Variants in FLNB observed in about 807,000 individuals in gnomAD.
FLNB encodes filamin-B.
A neutral mutation model predicts 250.6 loss-of-function variants in FLNB; 111 were observed. The observed-to-expected ratio is 0.44, with a 90% CI of 0.38 to 0.52. FLNB has a LOEUF of 0.52. Ranked by LOEUF, FLNB falls within the 20% of genes least tolerant of loss-of-function variation. The pLI is 0.00. For synonymous variants in FLNB, 1,302 were observed against 1,372.1 expected, an observed-to-expected ratio of 0.95 and a Z score of 1.13; for missense variants, 2,869 against 3,447.8, an observed-to-expected ratio of 0.83 and a Z score of 4.20.
chr3:58,106,912 C>T (rs1440908516), intron 12 of FLNB, 39 bp downstream of exon 12: 2 of 1,573,532 alleles, frequency 1.3e-6, no homozygotes, highest in African/African-American at 1.3e-5. Context: ...TTGTCCCTGG[C>T]CCCTGGTTCC....
chr3:58,026,603 A>G (rs1053862983), intron 1 of FLNB, among the ~76,000 whole-genome samples: 2 of 152,152 alleles, frequency 1.3e-5, no homozygotes, highest in Admixed American at 1.3e-4. Flanking sequence ...AGGAATGGAT[A>G]TGGGAGGTTG....
intron 41 of FLNB, 86 bp from the exon 42 acceptor site, chr3:58,159,468 T>C (rs2097358109): frequency 5.2e-6 from 7 of 1,344,380 alleles, no homozygotes; most frequent in Non-Finnish European, 7.5e-6. Flanking sequence ...ATGAGAACTG[T>C]CACCCACAGT....
intron 1 of FLNB, among the ~76,000 whole-genome samples, chr3:58,041,829 A>G (rs1358031749): frequency 1.3e-5 from 2 of 152,068 alleles, no homozygotes; most frequent in Admixed American, 6.5e-5. Context: ...AAGCTTCCCG[A>G]GCAGCTTGTC....
chr3:58,129,845 C>A (rs578118638), intron 24 of FLNB, among the ~76,000 whole-genome samples: 1 of 152,186 alleles, frequency 6.6e-6, no homozygotes, highest in South Asian at 2.1e-4. Flanking sequence ...TGCTGCCGTT[C>A]GCTGGATGGG....
intron 29 of FLNB, among the ~76,000 whole-genome samples, chr3:58,139,914 A>C (rs760238833): frequency 1.3e-5 from 2 of 152,168 alleles, no homozygotes; most frequent in African/African-American, 2.4e-5. Flanking sequence ...AGAGTAAAAA[A>C]ATTGAGGACC....
intron 16 of FLNB, 22 bp from the exon 17 acceptor site, chr3:58,111,769 T>C: frequency 6.3e-7 from 1 of 1,593,728 alleles, no homozygotes; most frequent in Non-Finnish European, 8.6e-7. Flanking sequence ...GCTTTCCTAC[T>C]AAGACTGTGT....
intron 1 of FLNB, among the ~76,000 whole-genome samples, chr3:58,070,656 CTCTCTTTT>C (rs1297744322): frequency 6.9e-5 from 10 of 143,980 alleles, no homozygotes; most frequent in South Asian, 2.1e-4. Flanking sequence ...CTCTCTCTCT[CTCTCTTTT>C]TTTTTTTTTT....
chr3:58,116,496 A>T (rs1436751772), intron 18 of FLNB, among the ~76,000 whole-genome samples: 2 of 152,178 alleles, frequency 1.3e-5, no homozygotes. Context: ...TGACACCTGC[A>T]GGCCTGCCAC....
At chr3:58,108,782 C>A in intron 13 of FLNB, among the ~76,000 whole-genome samples, 1 of 152,154 alleles carries the variant, frequency 6.6e-6, no homozygotes, top group East Asian at 1.9e-4. Flanking sequence ...GATTTATATT[C>A]TGTGGAAATG....
intron 4 of FLNB, among the ~76,000 whole-genome samples, chr3:58,084,718 A>C (rs1003963895): frequency 6.6e-6 from 1 of 152,224 alleles, no homozygotes; most frequent in South Asian, 2.1e-4. Context: ...AACTTTTTCA[A>C]CTTCCCAAAC....
intron 29 of FLNB, among the ~76,000 whole-genome samples, chr3:58,141,059 G>T (rs949937591): frequency 9.2e-5 from 14 of 151,986 alleles, no homozygotes; most frequent in Admixed American, 9.2e-4. Flanking sequence ...ACCAGCCTGG[G>T]CAATACAGTG....
chr3:58,097,173 G>T (rs553562096), intron 6 of FLNB, among the ~76,000 whole-genome samples: 33 of 152,244 alleles, frequency 2.2e-4, no homozygotes, highest in African/African-American at 7.5e-4. Flanking sequence ...TCACCACCTT[G>T]GGCTTTAGTG....
rs2097377824 is a variant in FLNB at position 58,169,614 on chromosome 3, C to T, written c.7442C>T (p.Ser2481Leu). The T allele has an allele frequency of 5.0e-6, 8 of 1,614,056 alleles. No individual in the cohort carries two copies. The South Asian group carries it at 5.5e-5, about 11-fold the overall frequency. Residue 2481 changes from serine (S) to leucine (L), a missense_variant, in exon 45 of 46, where the codon TCA becomes TTA. Coordinates refer to ENST00000295956, the MANE Select transcript of FLNB (RefSeq NM_001457.4). The surrounding 1 kb of genome is among the most constrained non-coding windows in gnomAD (Gnocchi z 4.8). ...GGCCAGCGTCTAGTTAGCCCTGGCT[C>T]AGCCAACGAGACCTCATCCATCCTG... is the stretch of plus-strand genomic sequence containing the variant. ...VTGQRLVSPG[S>L]ANETSSILVE...
At chr3:58,018,177 C>A (rs1216998674) in intron 1 of FLNB, among the ~76,000 whole-genome samples, 1 of 152,008 alleles carries the variant, frequency 6.6e-6, no homozygotes, top group Admixed American at 6.6e-5. Context: ...TCCTCGTGAA[C>A]TCTGCAAAAC....
rs781616874 is a variant in FLNB, at chr3:58,121,460, G to GC, written c.3087dup (p.Tyr1030LeufsTer63). 2.5e-6 allele frequency: 4 copies of GC among 1,614,118 alleles called. No homozygotes were observed. In the Admixed American group the frequency reaches 5.0e-5, roughly 20 times the overall value. ...TACGATGGACACCCTGTGCCCGGGA[G>GC]CCCCTACACAGTGGAGGCCTCGCTG... On this transcript the variant is annotated frameshift_variant, in exon 20 of 46. Transcript: ENST00000295956. LOFTEE classifies it high-confidence loss of function.
intron 1 of FLNB, among the ~76,000 whole-genome samples, chr3:58,058,203 T>C (rs1332107548): frequency 1.3e-5 from 2 of 152,222 alleles, no homozygotes; most frequent in African/African-American, 4.8e-5. Flanking sequence ...TTTTAGTTAT[T>C]ACAGAAATAG....
chr3:58,143,677 C>G (rs1179269052), intron 32 of FLNB, 64 bp downstream of exon 32: 5 of 1,595,294 alleles, frequency 3.1e-6, no homozygotes, highest in Non-Finnish European at 4.3e-6. Flanking sequence ...AGCCTGCAGA[C>G]ACTCCTCAGC....
At position 58,136,140 on chromosome 3, in the gene FLNB, G is replaced by A. The variant is rs189352921; in HGVS notation, c.4833G>A (p.Thr1611=). The A allele has an allele frequency of 1.1e-5, 17 of 1,614,204 alleles. No homozygotes were observed. The highest frequency in any genetic ancestry group is 5.3e-5 in the African/African-American group (4 of 75,054). The change falls in exon 28 of 46, where the codon ACG becomes ACA. Residue 1611 remains threonine, a synonymous_variant. Transcript: ENST00000295956. ...CTTATCGCATCCGAGCCACACAGAC[G>A]GGTGATGCCAGCAAGTGCCTGGCCA... The part of the protein sequence containing the change: ...LSPYRIRATQ[T]GDASKCLATG...
In FLNB at chr3:58,171,137, C is replaced by A; in HGVS notation, c.*375C>A. 8.4e-6 allele frequency: 2 copies of A among 238,374 alleles called. No individual in the cohort carries two copies. Among genetic ancestry groups the A allele is most frequent in the Non-Finnish European group, 8.2e-6 (1 of 121,572 alleles). 14.8% of individuals were successfully genotyped at this position (238,374 alleles called of 1,614,324 possible). A position where few individuals can be genotyped will look rare whatever the true frequency, so the allele number is the denominator to read the frequency against. On this transcript the variant is annotated 3_prime_UTR_variant, in exon 46 of 46. Transcript: ENST00000295956. The surrounding 1 kb of genome is among the most constrained non-coding windows in gnomAD (Gnocchi z 5.5). The stretch of plus-strand genomic sequence containing the variant: ...ACTCTTCAGCATTTATGAAACAAGG[C>A]TAGGGGAAGATGGGCAGAGAAAAAG...
Sources: allele counts gnomAD v4.1 joint callset (sites outside exome capture counted in the v4.1 genomes callset), GRCh38; gene constraint gnomAD v4.1.1; non-coding constraint Gnocchi (gnomAD v3.1); transcripts MANE v1.5; gene names NCBI Gene and HGNC (gene_info 2026-07-23, HGNC 2026-07-21).